The following RBFOX1 variants were observed in gnomAD, a reference collection of about 807,000 sequenced individuals.
The protein encoded by RBFOX1 is RNA binding fox-1 homolog 1.
In RBFOX1, 8 loss-of-function variants were observed where a neutral mutation model predicts 57.7. The ratio of observed to expected loss-of-function variants is 0.14; its 90% CI spans 0.08 to 0.25. RBFOX1 has a LOEUF of 0.25. Among genes scored for constraint, RBFOX1 ranks in the 10% least tolerant of loss-of-function variants. The probability of loss-of-function intolerance (pLI) is 1.00; values close to 1 mark genes in which losing one functional copy is unlikely to be tolerated. For missense variants in RBFOX1, 611 were observed against 548.5 expected, an observed-to-expected ratio of 1.11 and a Z score of -1.14; for synonymous variants, 326 against 222.4, an observed-to-expected ratio of 1.47 and a Z score of -4.15.
chr16:6,315,610 T>G (rs2081019249), intron 1 of RBFOX1, among the ~76,000 whole-genome samples: 1 of 152,100 alleles, frequency 6.6e-6, no homozygotes, highest in Non-Finnish European at 1.5e-5. Flanking sequence ...GATGGATGAA[T>G]GAGTGCATCA....
At chr16:7,058,224 A>C (rs1777233619) in intron 4 of RBFOX1, among the ~76,000 whole-genome samples, 2 of 151,718 alleles carry the variant, frequency 1.3e-5, no homozygotes. Context: ...TTAGAAAGTT[A>C]CTCCCCTTTC....
intron 4 of RBFOX1, among the ~76,000 whole-genome samples, chr16:7,506,683 T>C (rs1307807442): frequency 6.6e-6 from 1 of 152,172 alleles, no homozygotes; most frequent in Non-Finnish European, 1.5e-5. Flanking sequence ...ATAATAAGAT[T>C]GTGTTAAAAT....
intron 4 of RBFOX1, among the ~76,000 whole-genome samples, chr16:7,487,749 G>C (rs1343489465): frequency 6.6e-6 from 1 of 152,154 alleles, no homozygotes; most frequent in Non-Finnish European, 1.5e-5. Flanking sequence ...GATGCAGCTT[G>C]TAAAAGTGCC....
intron 4 of RBFOX1, among the ~76,000 whole-genome samples, chr16:7,313,953 G>A (rs4511555): frequency 0.76 from 115,545 of 152,146 alleles, 43,992 homozygotes; most frequent in East Asian, 0.94. Context: ...CCAATTGATG[G>A]AGTGGGCCTC....
chr16:6,144,844 G>T (rs1418865792), intron 1 of RBFOX1, among the ~76,000 whole-genome samples: 1 of 152,172 alleles, frequency 6.6e-6, no homozygotes, highest in African/African-American at 2.4e-5. Flanking sequence ...GGAACAAACT[G>T]TGAATCATCC....
chr16:7,400,012 A>C (rs1174886371), intron 4 of RBFOX1, among the ~76,000 whole-genome samples: 1 of 152,212 alleles, frequency 6.6e-6, no homozygotes, highest in Non-Finnish European at 1.5e-5. Context: ...CTTAACAATT[A>C]TATGAGGTAG....
intron 1 of RBFOX1, among the ~76,000 whole-genome samples, chr16:5,446,999 C>G (rs1008219126): frequency 6.6e-6 from 1 of 152,166 alleles, no homozygotes; most frequent in African/African-American, 2.4e-5. Context: ...TGATCTGAAT[C>G]CATACCAGCA....
At chr16:7,238,360 AAAG>A (rs55653439) in intron 4 of RBFOX1, among the ~76,000 whole-genome samples, 35,612 of 151,948 alleles carry the variant, frequency 0.23, 4,348 homozygotes, top group African/African-American at 0.31. Flanking sequence ...ATAAAAATTA[AAAG>A]AAGAAGTAAA....
At chr16:6,425,823 T>C (rs1322117394) in intron 2 of RBFOX1, among the ~76,000 whole-genome samples, 1 of 152,168 alleles carries the variant, frequency 6.6e-6, no homozygotes, top group African/African-American at 2.4e-5. Flanking sequence ...CCATTACTCT[T>C]TTTACCTTTT....
chr16:6,503,482 T>G (rs892777006), intron 2 of RBFOX1, among the ~76,000 whole-genome samples: 1 of 152,220 alleles, frequency 6.6e-6, no homozygotes, highest in African/African-American at 2.4e-5. Context: ...GCAGGACATT[T>G]CTTCTGATGG....
intron 2 of RBFOX1, among the ~76,000 whole-genome samples, chr16:6,486,769 T>A (rs2095492342): frequency 6.6e-6 from 1 of 152,176 alleles, no homozygotes; most frequent in South Asian, 2.1e-4. Flanking sequence ...TTTTGCTCTT[T>A]TTGTTTTCTT....
chr16:5,764,142 G>C (rs1597152602), intron 3 of RBFOX1, among the ~76,000 whole-genome samples: 1 of 85,528 alleles, frequency 1.2e-5, no homozygotes, highest in Non-Finnish European at 2.8e-5. Flanking sequence ...ATGCTGTGGG[G>C]CAGTAGGGTG....
rs543096980 is a variant in RBFOX1, at chr16:6,183,593, A to T, written c.-126-133402A>T. ...GTTATATATGAGAGAGGGGTCTGGG[A>T]ATACATCTCTGATGTGTAACATTTG... On this transcript the variant is annotated intron_variant, in intron 1 of 15. Transcript: ENST00000550418. Among the ~76,000 whole-genome samples the T allele has an allele frequency of 7.2e-5, 11 of 152,232 alleles. No individual in the cohort carries two copies. The East Asian group carries it at 2.1e-3, about 29-fold the overall frequency.
chr16:7,024,405 CA>C (rs1445079192), intron 3 of RBFOX1, among the ~76,000 whole-genome samples: 5 of 152,086 alleles, frequency 3.3e-5, no homozygotes, highest in Non-Finnish European at 7.4e-5. Context: ...GCAGTTTTAG[CA>C]ATTATTTTTC....
At chr16:5,965,477 G>T (rs1007009298) in intron 4 of RBFOX1, among the ~76,000 whole-genome samples, 1 of 152,076 alleles carries the variant, frequency 6.6e-6, no homozygotes, top group Admixed American at 6.6e-5. Flanking sequence ...AACCAATCAA[G>T]CTGTAAGTGG....
At chr16:6,562,752 G>C (rs2040563524) in intron 2 of RBFOX1, among the ~76,000 whole-genome samples, 1 of 151,950 alleles carries the variant, frequency 6.6e-6, no homozygotes, top group African/African-American at 2.4e-5. Flanking sequence ...TTCTGCACAA[G>C]TTGCTTTTTT....
chr16:6,740,970 C>A (rs11862620), intron 3 of RBFOX1, among the ~76,000 whole-genome samples: 2 of 152,034 alleles, frequency 1.3e-5, no homozygotes, highest in African/African-American at 4.8e-5. Context: ...AGTTTCAAGA[C>A]GTTATGTAAC....
intron 3 of RBFOX1, among the ~76,000 whole-genome samples, chr16:5,757,852 C>A (rs2053454867): frequency 6.6e-6 from 1 of 152,132 alleles, no homozygotes; most frequent in Non-Finnish European, 1.5e-5. Flanking sequence ...TACTACTGTG[C>A]TAGACTACTT....
At chr16:7,147,965 G>A (rs182997281) in intron 4 of RBFOX1, among the ~76,000 whole-genome samples, 2 of 152,144 alleles carry the variant, frequency 1.3e-5, no homozygotes, top group African/African-American at 4.8e-5. Flanking sequence ...AAGGAGTAAT[G>A]CCTAGTTAGA....
Sources: gnomAD v4.1 joint callset for allele counts (sites outside exome capture counted in the v4.1 genomes callset) on GRCh38, gnomAD v4.1.1 for gene constraint, MANE v1.5 for transcripts, NCBI Gene and HGNC (gene_info 2026-07-23, HGNC 2026-07-21) for gene names.